The following ANKS1B variants were observed in gnomAD, a reference collection of about 807,000 sequenced individuals.
The protein encoded by ANKS1B is ankyrin repeat and sterile alpha motif domain-containing protein 1B.
In ANKS1B, 36 loss-of-function variants were observed where a neutral mutation model predicts 148.3. That is an observed-to-expected ratio of 0.24 (90% CI 0.19 to 0.32). The LOEUF is 0.32. Ranked by LOEUF, ANKS1B falls within the 10% of genes least tolerant of loss-of-function variation. The pLI is 1.00. For synonymous variants in ANKS1B, 542 were observed against 560.8 expected (o/e 0.97, Z 0.47); for missense variants, 1,157 against 1,542.6 (o/e 0.75, Z 4.19).
intron 10 of ANKS1B, among the ~76,000 whole-genome samples, chr12:99,470,671 C>A (rs908996761): frequency 5.9e-5 from 9 of 152,102 alleles, no homozygotes; most frequent in African/African-American, 1.9e-4. Context: ...CTTAGGCACA[C>A]ATGCAATATA....
chr12:99,900,325 G>A (rs1603447125), intron 1 of ANKS1B, among the ~76,000 whole-genome samples: 1 of 151,522 alleles, frequency 6.6e-6, no homozygotes, highest in African/African-American at 2.4e-5. Flanking sequence ...GGCTACCATG[G>A]CAAAACCCTG....
At chr12:99,571,943 A>C (rs1321600738) in intron 9 of ANKS1B, among the ~76,000 whole-genome samples, 2 of 152,142 alleles carry the variant, frequency 1.3e-5, no homozygotes, top group Admixed American at 6.5e-5. Flanking sequence ...CAAACAAACC[A>C]ATAAAATCCA....
intron 4 of ANKS1B, 35 bp from the exon 5 acceptor site, chr12:99,782,132 G>A: frequency 3.3e-6 from 5 of 1,520,068 alleles, no homozygotes; most frequent in Non-Finnish European, 4.5e-6. Flanking sequence ...AGAAAGCACG[G>A]TTGCATTTGG....
chr12:98,926,707 C>A (rs187898792), intron 17 of ANKS1B, among the ~76,000 whole-genome samples: 2 of 151,884 alleles, frequency 1.3e-5, no homozygotes, highest in African/African-American at 4.8e-5. Context: ...ATGATTTAAA[C>A]GTACAAAATC....
intron 17 of ANKS1B, among the ~76,000 whole-genome samples, chr12:99,051,362 G>T (rs578251002): frequency 3.6e-4 from 55 of 152,298 alleles, no homozygotes; most frequent in African/African-American, 1.3e-3. Context: ...TGATTCATGT[G>T]CTACCTATTG....
At chr12:99,821,005 C>T (rs997202331) in intron 2 of ANKS1B, among the ~76,000 whole-genome samples, 1 of 151,956 alleles carries the variant, frequency 6.6e-6, no homozygotes, top group African/African-American at 2.4e-5. Context: ...TGTACAAGTT[C>T]ATAGATTATT....
At chr12:99,395,089 C>A (rs962010069) in intron 12 of ANKS1B, among the ~76,000 whole-genome samples, 10 of 152,124 alleles carry the variant, frequency 6.6e-5, no homozygotes, top group African/African-American at 2.4e-4. Flanking sequence ...TGTCCAACAT[C>A]TCTCCATTTC....
chr12:99,166,844 A>G (rs1422827223), intron 14 of ANKS1B, among the ~76,000 whole-genome samples: 1 of 152,062 alleles, frequency 6.6e-6, no homozygotes, highest in Non-Finnish European at 1.5e-5. Context: ...ACAAAGGTAT[A>G]CTACCTGACT....
intron 6 of ANKS1B, among the ~76,000 whole-genome samples, chr12:99,776,364 A>G (rs1041656666): frequency 6.6e-6 from 1 of 152,216 alleles, no homozygotes; most frequent in African/African-American, 2.4e-5. Flanking sequence ...AATCCTTACA[A>G]AACTATGACA....
intron 17 of ANKS1B, among the ~76,000 whole-genome samples, chr12:98,846,570 A>G (rs1247184527): frequency 6.6e-6 from 1 of 152,246 alleles, no homozygotes; most frequent in African/African-American, 2.4e-5. Flanking sequence ...TTGTAAAGAT[A>G]TGGAGACAAC....
intron 4 of ANKS1B, among the ~76,000 whole-genome samples, chr12:99,796,795 G>A (rs1301600498): frequency 1.3e-5 from 2 of 151,756 alleles, no homozygotes; most frequent in East Asian, 3.9e-4. Flanking sequence ...CCTCAATTAT[G>A]TTAATATTAA....
intron 9 of ANKS1B, among the ~76,000 whole-genome samples, chr12:99,540,505 T>C (rs986499309): frequency 6.6e-6 from 1 of 151,902 alleles, no homozygotes; most frequent in Admixed American, 6.6e-5. Flanking sequence ...TAGAAAACAA[T>C]AAAAATGAAA....
chr12:99,831,692 T>C (rs1056008196), intron 1 of ANKS1B, among the ~76,000 whole-genome samples: 2 of 152,018 alleles, frequency 1.3e-5, no homozygotes, highest in Non-Finnish European at 2.9e-5. Context: ...TCCAGTAGCA[T>C]ATGGCTTGAG....
At chr12:99,053,034 T>C in intron 17 of ANKS1B, 123 bp downstream of exon 17, 1 of 851,206 alleles carries the variant, frequency 1.2e-6, no homozygotes, top group Non-Finnish European at 1.7e-6. Context: ...GAGAGATCGA[T>C]ATTTAAAACA....
chr12:99,977,259 C>G (rs1603580652), intron 1 of ANKS1B, among the ~76,000 whole-genome samples: 1 of 152,248 alleles, frequency 6.6e-6, no homozygotes, highest in East Asian at 1.9e-4. Context: ...TTCTCCCCAC[C>G]CAGCCTCTCA....
intron 1 of ANKS1B, among the ~76,000 whole-genome samples, chr12:99,939,866 A>T (rs2094876343): frequency 6.6e-6 from 1 of 152,244 alleles, no homozygotes; most frequent in East Asian, 1.9e-4. Context: ...TGTAAAGGGA[A>T]CATGAAACCA....
At chr12:99,182,335 C>A (rs947233439) in intron 14 of ANKS1B, among the ~76,000 whole-genome samples, 1 of 152,122 alleles carries the variant, frequency 6.6e-6, no homozygotes, top group Admixed American at 6.5e-5. Flanking sequence ...AGAGCCAAAC[C>A]ATATCATCAT....
intron 9 of ANKS1B, among the ~76,000 whole-genome samples, chr12:99,516,914 A>G (rs1352483764): frequency 6.6e-6 from 1 of 152,086 alleles, no homozygotes; most frequent in East Asian, 1.9e-4. Flanking sequence ...TGGTTACCAT[A>G]GCTCTGTAGT....
rs373808528 is a variant in ANKS1B, at chr12:99,776,340, AAATT to A, written c.848-683_848-680del. On this transcript the variant is annotated intron_variant, in intron 6 of 26. Transcript: ENST00000683438. ...CAGCATTGTTCTAAGTGTTTTGTAT[AAATT>A]AACTCATGTAATCCTTACAAAACTA... is the stretch of plus-strand genomic sequence containing the variant. 1.8e-4 allele frequency among the ~76,000 whole-genome samples: 28 copies of A among 152,324 alleles called. No individual in the cohort carries two copies. The East Asian group carries it at 5.4e-3, about 29-fold the overall frequency.
Sources: allele counts gnomAD v4.1 joint callset (sites outside exome capture counted in the v4.1 genomes callset), GRCh38; gene constraint gnomAD v4.1.1; transcripts MANE v1.5; gene names NCBI Gene and HGNC (gene_info 2026-07-23, HGNC 2026-07-21).